CACNA2D3: variants seen among roughly 807,000 people sequenced by gnomAD.
The protein encoded by CACNA2D3 is calcium voltage-gated channel auxiliary subunit alpha2delta 3.
A neutral mutation model predicts 160.6 loss-of-function variants in CACNA2D3; 60 were observed. That is an observed-to-expected ratio of 0.37 (90% CI 0.30 to 0.46). The LOEUF is 0.46. Ranked by LOEUF, CACNA2D3 falls within the 20% of genes least tolerant of loss-of-function variation. The pLI is 1.00. For missense variants in CACNA2D3, 1,205 were observed against 1,365.0 expected (o/e 0.88, Z 1.85); for synonymous variants, 558 against 492.9 (o/e 1.13, Z -1.75).
In CACNA2D3 at chr3:54,351,027, C is replaced by T. The variant is rs560217869; in HGVS notation, c.321+30469C>T. ...TTTTTGAGACAGAGTCTCACTGTGT[C>T]GCCCAGGCTGGAGGCGCGATCTCGG... is the stretch of plus-strand genomic sequence containing the variant. On this transcript the variant is annotated intron_variant, in intron 3 of 37. Transcript: ENST00000474759. 3.2e-4 allele frequency among the ~76,000 whole-genome samples: 36 copies of T among 113,888 alleles called. No individual in the cohort carries two copies. The South Asian group carries it at 7.2e-3, about 23-fold the overall frequency. The allele number at this position is 113,888 out of a possible 152,430, so 74.7% of individuals were successfully genotyped here. A position where few individuals can be genotyped will look rare whatever the true frequency, so the allele number is the denominator to read the frequency against.
At chr3:54,873,331 T>C (rs1168709) in intron 18 of CACNA2D3, among the ~76,000 whole-genome samples, 37,714 of 151,958 alleles carry the variant, frequency 0.25, 9,544 homozygotes, top group African/African-American at 0.65. Context: ...TAGGAATCTT[T>C]GGAGGGGACT....
chr3:54,524,855 T>C (rs1233312648), intron 5 of CACNA2D3, among the ~76,000 whole-genome samples: 6 of 152,142 alleles, frequency 3.9e-5, no homozygotes, highest in Admixed American at 1.3e-4. Flanking sequence ...ATAATACACT[T>C]TTCATTTTGC....
chr3:54,540,455 A>G (rs1701954288), intron 5 of CACNA2D3, among the ~76,000 whole-genome samples: 1 of 152,246 alleles, frequency 6.6e-6, no homozygotes, highest in East Asian at 1.9e-4. Flanking sequence ...ATTATTTTTC[A>G]GAAATAAAAT....
At chr3:54,282,050 A>C (rs902046146) in intron 2 of CACNA2D3, among the ~76,000 whole-genome samples, 2 of 152,248 alleles carry the variant, frequency 1.3e-5, no homozygotes, top group Non-Finnish European at 2.9e-5. Flanking sequence ...ATGACAACAA[A>C]GTGTATACTG....
At chr3:54,416,695 T>C (rs1305457135) in intron 4 of CACNA2D3, among the ~76,000 whole-genome samples, 1 of 152,234 alleles carries the variant, frequency 6.6e-6, no homozygotes, top group African/African-American at 2.4e-5. Context: ...AGCTGGCTTT[T>C]GTTGTTACTT....
intron 34 of CACNA2D3, 74 bp downstream of exon 34, chr3:55,009,517 G>A: frequency 7.4e-7 from 1 of 1,353,094 alleles, no homozygotes; most frequent in South Asian, 1.2e-5. Flanking sequence ...TTTCATCAGG[G>A]ATGTGCTGGC....
At chr3:54,171,136 C>CTTTTTTTTTT (rs57761171) in intron 2 of CACNA2D3, among the ~76,000 whole-genome samples, 9,953 of 62,266 alleles carry the variant, frequency 0.16, 2,956 homozygotes, top group East Asian at 0.36. Context: ...AAGATGATGA[C>CTTTTTTTTTT]TTTTTTTTTT....
chr3:54,988,083 G>C (rs1441958663), intron 31 of CACNA2D3, among the ~76,000 whole-genome samples: 1 of 152,210 alleles, frequency 6.6e-6, no homozygotes, highest in South Asian at 2.1e-4. Context: ...TCACCTGGCC[G>C]GAAGGGTGGA....
At chr3:54,570,298 C>T (rs142475725) in intron 8 of CACNA2D3, among the ~76,000 whole-genome samples, 194 bp downstream of exon 8, 129 of 152,232 alleles carry the variant, frequency 8.5e-4, no homozygotes, top group African/African-American at 3.1e-3. Flanking sequence ...TGCAGTTGAA[C>T]ACACGTTGCC....
At chr3:54,641,017 C>G (rs1416437652) in intron 10 of CACNA2D3, among the ~76,000 whole-genome samples, 2 of 151,494 alleles carry the variant, frequency 1.3e-5, no homozygotes, top group Non-Finnish European at 2.9e-5. Flanking sequence ...TGAAATCCCC[C>G]TGTGATCTGT....
intron 27 of CACNA2D3, among the ~76,000 whole-genome samples, chr3:54,908,390 G>A (rs1224931249): frequency 1.3e-5 from 2 of 152,162 alleles, no homozygotes; most frequent in African/African-American, 4.8e-5. Flanking sequence ...ATATTGTTGA[G>A]CTGTAAGAGT....
chr3:54,448,294 C>T (rs967088529), intron 4 of CACNA2D3, among the ~76,000 whole-genome samples: 1 of 152,180 alleles, frequency 6.6e-6, no homozygotes, highest in Non-Finnish European at 1.5e-5. Flanking sequence ...ATGCCCAGCT[C>T]AGAGCTAATG....
At chr3:54,712,996 G>A (rs1277445077) in intron 11 of CACNA2D3, among the ~76,000 whole-genome samples, 5 of 152,182 alleles carry the variant, frequency 3.3e-5, no homozygotes, top group Non-Finnish European at 7.4e-5. Context: ...GACAGGGGTA[G>A]GGGAACATAG....
intron 11 of CACNA2D3, among the ~76,000 whole-genome samples, chr3:54,704,013 C>T (rs1054117779): frequency 6.6e-6 from 1 of 152,192 alleles, no homozygotes; most frequent in Non-Finnish European, 1.5e-5. Flanking sequence ...TAATCTTGAT[C>T]TTTGAAAAGC....
At chr3:54,526,695 ATTG>A (rs1701728448) in intron 5 of CACNA2D3, among the ~76,000 whole-genome samples, 1 of 151,826 alleles carries the variant, frequency 6.6e-6, no homozygotes, top group African/African-American at 2.4e-5. Flanking sequence ...TTTTGTTTTC[ATTG>A]TTGTTTTTTC....
intron 11 of CACNA2D3, among the ~76,000 whole-genome samples, chr3:54,674,865 G>A (rs1391332992): frequency 6.6e-6 from 1 of 152,170 alleles, no homozygotes. Flanking sequence ...AACCATGGGA[G>A]TAGGCAGTAG....
intron 30 of CACNA2D3, 67 bp from the exon 31 acceptor site, chr3:54,987,616 T>G: frequency 9.7e-7 from 1 of 1,031,662 alleles, no homozygotes; most frequent in Non-Finnish European, 1.4e-6. Flanking sequence ...GTGTCCCTTT[T>G]CATTTCTTCT....
At chr3:54,478,412 C>T (rs1222564288) in intron 4 of CACNA2D3, among the ~76,000 whole-genome samples, 1 of 151,714 alleles carries the variant, frequency 6.6e-6, no homozygotes, top group Non-Finnish European at 1.5e-5. Flanking sequence ...GCGGGAAGAT[C>T]ATGAGGTCAG....
chr3:54,375,964 T>G (rs757021533), intron 3 of CACNA2D3, among the ~76,000 whole-genome samples: 43 of 152,290 alleles, frequency 2.8e-4, no homozygotes, highest in Admixed American at 2.6e-4. Context: ...TAAATGTCAT[T>G]AAAGCAAGTG....
Sources: gnomAD v4.1 joint callset for allele counts (sites outside exome capture counted in the v4.1 genomes callset) on GRCh38, gnomAD v4.1.1 for gene constraint, MANE v1.5 for transcripts, NCBI Gene and HGNC (gene_info 2026-07-23, HGNC 2026-07-21) for gene names.